CYB5A: variants seen among roughly 807,000 people sequenced by gnomAD.
The protein encoded by CYB5A is cytochrome b5 type A.
A neutral mutation model predicts 16.2 loss-of-function variants in CYB5A; 10 were observed. The observed-to-expected ratio is 0.62, with a 90% CI of 0.38 to 1.04. CYB5A has a LOEUF of 1.04. Ranked by LOEUF, CYB5A falls within the 50% of genes least tolerant of loss-of-function variation. CYB5A has a pLI of 0.01. For synonymous variants in CYB5A, 62 were observed against 57.0 expected, an observed-to-expected ratio of 1.09 and a Z score of -0.40; for missense variants, 161 against 165.9, an observed-to-expected ratio of 0.97 and a Z score of 0.16.
At chr18:74,255,709 C>T (rs1411254684) in intron 4 of CYB5A, 32 bp downstream of exon 4, 1 of 1,596,262 alleles carries the variant, frequency 6.3e-7, no homozygotes, top group Non-Finnish European at 8.6e-7. Context: ...CCCTCCCACC[C>T]ACTACTGCTT....
intron 1 of CYB5A, among the ~76,000 whole-genome samples, chr18:74,280,388 C>A (rs1005538530): frequency 6.8e-6 from 1 of 146,484 alleles, no homozygotes; most frequent in Non-Finnish European, 1.5e-5. Flanking sequence ...CTGGGCAACA[C>A]GGCAAAACCC....
rs1024684213 is a variant in CYB5A, at chr18:74,253,593, T to A, written c.396A>T (p.Ala132=). The change falls in exon 5 of 5, where the codon GCA becomes GCT. Residue 132 remains alanine, a synonymous_variant. Transcript: ENST00000340533. ...ACTTCTGAGGAGGTGTTCAGTCCTC[T>A]GCCATGTATAGGCGATACATCAAGG... ...AVALMYRLYM[A]ED 4.3e-6 allele frequency: 7 copies of A among 1,611,658 alleles called. No homozygotes were observed. The highest frequency in any genetic ancestry group is 1.3e-5 in the African/African-American group (1 of 74,886).
intron 2 of CYB5A, 67 bp downstream of exon 2, chr18:74,263,282 C>T: frequency 6.3e-7 from 1 of 1,599,622 alleles, no homozygotes; most frequent in South Asian, 1.1e-5. Flanking sequence ...TGCAAGCTTA[C>T]AGACTAGGGT....
chr18:74,272,021 A>G (rs577079121), intron 1 of CYB5A, among the ~76,000 whole-genome samples: 12 of 152,326 alleles, frequency 7.9e-5, no homozygotes, highest in African/African-American at 2.6e-4. Flanking sequence ...AGAATAAATC[A>G]TAAGTGTTAG....
intron 3 of CYB5A, chr18:74,260,253 T>C (rs1169217719): frequency 6.5e-6 from 1 of 153,268 alleles, no homozygotes; most frequent in South Asian, 2.0e-4. Context: ...GTCCTTTAAT[T>C]AGACACTAGA....
intron 3 of CYB5A, chr18:74,259,732 A>G (rs1025484027): frequency 6.6e-6 from 1 of 152,202 alleles, no homozygotes; most frequent in African/African-American, 2.4e-5. Flanking sequence ...CCCTTAAGAG[A>G]CTTCAGAGAA....
At position 74,281,759 on chromosome 18, in the gene CYB5A, G is replaced by GTGTGTGTGTGTT. The variant is rs1886458675; in HGVS notation, c.129+9987_129+9988insAACACACACACA. ...CAAGGGAGGCTGTGTGTGTGTGTGT[G>GTGTGTGTGTGTT]TGTGTGTGTATGTGTGTGTTTCAGG... On this transcript the variant is annotated intron_variant, in intron 1 of 4. Transcript: ENST00000340533. 3.3e-5 allele frequency among the ~76,000 whole-genome samples: 5 copies of GTGTGTGTGTGTT among 150,988 alleles called. No homozygotes were observed. The South Asian group carries it at 1.0e-3, about 32-fold the overall frequency.
At chr18:74,271,003 T>C (rs561927783) in intron 1 of CYB5A, among the ~76,000 whole-genome samples, 6 of 152,362 alleles carry the variant, frequency 3.9e-5, no homozygotes, top group South Asian at 2.1e-4. Context: ...CTATTATATA[T>C]AACCAGTTCA....
At chr18:74,264,200 G>C (rs1982333414) in intron 1 of CYB5A, among the ~76,000 whole-genome samples, 1 of 99,826 alleles carries the variant, frequency 1.0e-5, no homozygotes. Context: ...AACAAAGTGA[G>C]ACTCTGTCTC....
At chr18:74,280,770 T>C (rs1488803759) in intron 1 of CYB5A, among the ~76,000 whole-genome samples, 2 of 152,000 alleles carry the variant, frequency 1.3e-5, no homozygotes, top group African/African-American at 2.4e-5. Flanking sequence ...AACAATGAGG[T>C]GGAAATCTTT....
intron 1 of CYB5A, among the ~76,000 whole-genome samples, chr18:74,272,637 G>A (rs746301220): frequency 1.3e-5 from 2 of 152,062 alleles, no homozygotes; most frequent in Non-Finnish European, 2.9e-5. Context: ...GTTTTATGGC[G>A]GCCGGGCACA....
At chr18:74,273,137 T>C (rs912352799) in intron 1 of CYB5A, among the ~76,000 whole-genome samples, 1 of 151,880 alleles carries the variant, frequency 6.6e-6, no homozygotes, top group Non-Finnish European at 1.5e-5. Context: ...TGGCAGAAAA[T>C]GAAGTGTTAG....
At chr18:74,269,899 A>C (rs1982604706) in intron 1 of CYB5A, among the ~76,000 whole-genome samples, 1 of 152,160 alleles carries the variant, frequency 6.6e-6, no homozygotes, top group Non-Finnish European at 1.5e-5. Flanking sequence ...ACCCTGGGAA[A>C]GGATCATGCT....
chr18:74,262,492 C>A (rs1040747950), intron 2 of CYB5A, among the ~76,000 whole-genome samples: 1 of 151,072 alleles, frequency 6.6e-6, no homozygotes. Context: ...CCAAATTAGG[C>A]CAGTGTTTTC....
At chr18:74,277,024 A>C (rs1982908737) in intron 1 of CYB5A, among the ~76,000 whole-genome samples, 1 of 152,238 alleles carries the variant, frequency 6.6e-6, no homozygotes, top group African/African-American at 2.4e-5. Context: ...TGCTTAACAT[A>C]CCAAAAAAGG....
intron 1 of CYB5A, among the ~76,000 whole-genome samples, chr18:74,268,646 T>C (rs1982544161): frequency 1.3e-5 from 2 of 152,134 alleles, no homozygotes; most frequent in Admixed American, 1.3e-4. Flanking sequence ...TGGGGGCAGC[T>C]GCAGGTGCAA....
At position 74,253,657 on chromosome 18, in the gene CYB5A, G is replaced by A; in HGVS notation, c.332C>T (p.Thr111Ile). 6.2e-7 allele frequency: 1 copy of A among 1,612,142 alleles called. No individual in the cohort carries two copies. Among genetic ancestry groups the A allele is most frequent in the Non-Finnish European group, 8.5e-7 (1 of 1,178,452 alleles). Residue 111 changes from threonine (T) to isoleucine (I), a missense_variant, in exon 5 of 5, where the codon ACC (threonine) becomes ATC (isoleucine). Transcript: ENST00000340533. The stretch of plus-strand genomic sequence containing the variant: ...AGAGATGGCAGGGATCACCCAGTTG[G>A]TCCACCAACTAGAAAGACACAAAAA... ...TTIDSSSSWWTNWVIPAISAV... is the reference protein window; with the variant it reads ...TTIDSSSSWWINWVIPAISAV...
intron 2 of CYB5A, among the ~76,000 whole-genome samples, chr18:74,261,993 G>A (rs1046590000): frequency 6.6e-6 from 1 of 152,174 alleles, no homozygotes; most frequent in Admixed American, 6.5e-5. Flanking sequence ...AGCTGAGTGT[G>A]CGGCCCCAGG....
intron 1 of CYB5A, 66 bp downstream of exon 1, chr18:74,291,681 C>A: frequency 6.2e-7 from 1 of 1,609,382 alleles, no homozygotes; most frequent in South Asian, 1.1e-5. Context: ...AAAGACAGGT[C>A]ATGCCAGTGA....
Sources: allele counts gnomAD v4.1 joint callset (sites outside exome capture counted in the v4.1 genomes callset), GRCh38; gene constraint gnomAD v4.1.1; transcripts MANE v1.5; gene names NCBI Gene and HGNC (gene_info 2026-07-23, HGNC 2026-07-21).